Variants in GHR observed in about 807,000 individuals in gnomAD.
GHR encodes the protein GH receptor.
Under a neutral mutation model 67.1 loss-of-function variants are expected in GHR, and 35 were observed. That is an observed-to-expected ratio of 0.52 (90% confidence interval 0.40 to 0.69). The LOEUF is 0.69. GHR is among the 30% of genes least tolerant of loss of function. GHR has a pLI of 0.00. For synonymous variants in GHR, 272 were observed against 269.1 expected, an observed-to-expected ratio of 1.01 and a Z score of -0.10; for missense variants, 792 against 764.6, an observed-to-expected ratio of 1.04 and a Z score of -0.42.
intron 2 of GHR, among the ~76,000 whole-genome samples, chr5:42,613,870 A>G (rs1323013212): frequency 6.6e-6 from 1 of 152,092 alleles, no homozygotes; most frequent in East Asian, 1.9e-4. Flanking sequence ...TCTACTTGGA[A>G]AATAAACTGG....
At chr5:42,616,884 T>C (rs1347340525) in intron 2 of GHR, among the ~76,000 whole-genome samples, 2 of 152,006 alleles carry the variant, frequency 1.3e-5, no homozygotes, top group Admixed American at 1.3e-4. Flanking sequence ...CAAATGCCTC[T>C]GAGAAGTTAA....
chr5:42,617,004 G>A (rs1013605046), intron 2 of GHR, among the ~76,000 whole-genome samples: 9 of 152,144 alleles, frequency 5.9e-5, no homozygotes, highest in African/African-American at 2.2e-4. Context: ...AAATTAGGAA[G>A]TAGAGACAGC....
At chr5:42,558,251 T>C (rs1749418369) in intron 1 of GHR, among the ~76,000 whole-genome samples, 1 of 152,192 alleles carries the variant, frequency 6.6e-6, no homozygotes, top group Non-Finnish European at 1.5e-5. Flanking sequence ...GAATTTTTTG[T>C]CCCCATCATT....
chr5:42,470,171 AATTATAT>A (rs2062507861), intron 1 of GHR, among the ~76,000 whole-genome samples: 1 of 144,314 alleles, frequency 6.9e-6, no homozygotes, highest in African/African-American at 2.5e-5. Context: ...TATAAGATAT[AATTATAT>A]ATTATATACT....
chr5:42,720,305 G>A lies in GHR; in HGVS notation c.*881G>A, dbSNP rs1444087299. ...CACCAAAAGAAGTAAAAGCAAAAAA[G>A]AAAACCTTTCTTCACCAAATCTTGG... On this transcript the variant is annotated 3_prime_UTR_variant, in exon 10 of 10. Coordinates refer to ENST00000230882, the MANE Select transcript of GHR (RefSeq NM_000163.5). The A allele has an allele frequency of 6.6e-6, 1 of 152,112 alleles. No homozygotes were observed. The highest frequency in any genetic ancestry group is 2.4e-5 in the African/African-American group (1 of 41,426). 9.4% of individuals were successfully genotyped at this position (152,112 alleles called of 1,614,324 possible). A position where few individuals can be genotyped will look rare whatever the true frequency, so the allele number is the denominator to read the frequency against.
At chr5:42,474,299 A>AAGAAAGAAAGAAAGAAAGAAAG (rs1745170256) in intron 1 of GHR, among the ~76,000 whole-genome samples, 3 of 139,428 alleles carry the variant, frequency 2.2e-5, no homozygotes, top group African/African-American at 8.1e-5. Flanking sequence ...GAGAAAGAGA[A>AAGAAAGAAAGAAAGAAAGAAAG]AGAAAGAAAG....
At chr5:42,656,474 G>A (rs926966205) in intron 3 of GHR, among the ~76,000 whole-genome samples, 13 of 152,000 alleles carry the variant, frequency 8.6e-5, no homozygotes, top group East Asian at 3.9e-4. Flanking sequence ...TCCTGATGTC[G>A]TATCTTGCAA....
intron 2 of GHR, among the ~76,000 whole-genome samples, chr5:42,599,437 A>G (rs564807031): frequency 4.4e-5 from 6 of 136,480 alleles, no homozygotes; most frequent in African/African-American, 1.7e-4. Flanking sequence ...ATCTCAGCTC[A>G]CTCAACCTCT....
At chr5:42,555,879 A>G (rs57282535) in intron 1 of GHR, among the ~76,000 whole-genome samples, 3,539 of 152,274 alleles carry the variant, frequency 0.023, 143 homozygotes, top group African/African-American at 0.081. Context: ...TACACTGCAC[A>G]GTGCAGGATT....
At chr5:42,717,812 T>A (rs1758791695) in intron 8 of GHR, among the ~76,000 whole-genome samples, 1 of 152,180 alleles carries the variant, frequency 6.6e-6, no homozygotes, top group Non-Finnish European at 1.5e-5. Flanking sequence ...CACATTTTCT[T>A]TTAATAGACT....
At chr5:42,579,122 GATA>G (rs1561138717) in intron 2 of GHR, among the ~76,000 whole-genome samples, 6 of 79,776 alleles carry the variant, frequency 7.5e-5, no homozygotes, top group African/African-American at 3.4e-4. Flanking sequence ...TAGATAGATA[GATA>G]GATAGATAGA....
chr5:42,583,878 G>GATATATATAT (rs138386131), intron 2 of GHR, among the ~76,000 whole-genome samples: 37 of 138,972 alleles, frequency 2.7e-4, no homozygotes, highest in East Asian at 2.0e-3. Context: ...TTTAAATAAA[G>GATATATATAT]ATATATATAT....
chr5:42,470,692 A>C (rs1023577796), intron 1 of GHR, among the ~76,000 whole-genome samples: 1 of 152,282 alleles, frequency 6.6e-6, no homozygotes, highest in East Asian at 1.9e-4. Flanking sequence ...CCCTAGCCCT[A>C]CACTGTAAGG....
chr5:42,719,295 C>T lies in GHR; in HGVS notation c.1788C>T (p.Thr596=), dbSNP rs886060643. The T allele has an allele frequency of 6.2e-7, 1 of 1,613,998 alleles. No individual in the cohort carries two copies. The highest frequency in any genetic ancestry group is 1.3e-5 in the African/African-American group (1 of 74,914). ...PGSEMPVPDY[T]SIHIVQSPQG... ...CTGAGATGCCTGTCCCAGACTATAC[C>T]TCCATTCATATAGTACAGTCCCCAC... The change falls in exon 10 of 10, where the codon ACC becomes ACT. Residue 596 remains threonine, a synonymous_variant. Transcript: ENST00000230882.
At chr5:42,708,176 T>C (rs1484706051) in intron 6 of GHR, among the ~76,000 whole-genome samples, 1 of 152,170 alleles carries the variant, frequency 6.6e-6, no homozygotes, top group Admixed American at 6.5e-5. Flanking sequence ...GAATTTATCA[T>C]TTGAGTTTTA....
chr5:42,467,161 T>C lies in GHR; in HGVS notation c.-12+43206T>C, dbSNP rs187326772. On this transcript the variant is annotated intron_variant, in intron 1 of 9. Transcript: ENST00000230882. ...AGGAAGATCTCCACTGTGAATTCTC[T>C]GGTGGACAAAAAGGCAAGAGAGCTG... is the stretch of plus-strand genomic sequence containing the variant. The C allele has an allele frequency of 6.9e-6, 11 of 1,599,566 alleles. No homozygotes were observed. The East Asian group carries it at 1.8e-4, about 26-fold the overall frequency.
At chr5:42,430,122 CTGGACAGGAG>C (rs1372009770) in intron 1 of GHR, among the ~76,000 whole-genome samples, 13 of 152,188 alleles carry the variant, frequency 8.5e-5, no homozygotes. Context: ...TGTTGTAGGT[CTGGACAGGAG>C]CTGGACAAAG....
chr5:42,428,163 A>G (rs957570367), intron 1 of GHR, among the ~76,000 whole-genome samples: 1 of 152,114 alleles, frequency 6.6e-6, no homozygotes, highest in Non-Finnish European at 1.5e-5. Context: ...ATTTCCATAC[A>G]TCCTCTGAAA....
chr5:42,596,561 C>T (rs947090171), intron 2 of GHR, among the ~76,000 whole-genome samples: 3 of 152,190 alleles, frequency 2.0e-5, no homozygotes, highest in African/African-American at 7.2e-5. Flanking sequence ...CTAGTTGGCA[C>T]AGCATTGACT....
Sources: gnomAD v4.1 joint callset for allele counts (sites outside exome capture counted in the v4.1 genomes callset) on GRCh38, gnomAD v4.1.1 for gene constraint, MANE v1.5 for transcripts, NCBI Gene and HGNC (gene_info 2026-07-23, HGNC 2026-07-21) for gene names.